Variants in DIAPH3 observed in about 807,000 individuals in gnomAD.
DIAPH3 encodes diaphanous related formin 3.
A neutral mutation model predicts 144.3 loss-of-function variants in DIAPH3; 117 were observed. The observed-to-expected ratio is 0.81, with a 90% CI of 0.70 to 0.95. The LOEUF is 0.95. DIAPH3 is among the 40% of genes least tolerant of loss of function. The pLI, the probability that DIAPH3 is intolerant of heterozygous loss-of-function variation, is 0.00. For synonymous variants in DIAPH3, 519 were observed against 488.9 expected (o/e 1.06, Z -0.81); for missense variants, 1,421 against 1,412.7 (o/e 1.01, Z -0.09).
chr13:59,983,139 T>TAAAA (rs4054895), intron 13 of DIAPH3, among the ~76,000 whole-genome samples: 1,135 of 104,584 alleles, frequency 0.011, 41 homozygotes, highest in African/African-American at 0.028. Flanking sequence ...GCTTTATCTT[T>TAAAA]AAAAAAAAAA....
chr13:60,138,297 G>A (rs916592148), intron 1 of DIAPH3, among the ~76,000 whole-genome samples: 2 of 152,150 alleles, frequency 1.3e-5, no homozygotes, highest in African/African-American at 2.4e-5. Flanking sequence ...TAATGATGTG[G>A]CAGCATGCCC....
At chr13:60,026,271 T>C (rs2054365622) in intron 5 of DIAPH3, among the ~76,000 whole-genome samples, 1 of 151,992 alleles carries the variant, frequency 6.6e-6, no homozygotes, top group Non-Finnish European at 1.5e-5. Flanking sequence ...TAACACATAA[T>C]TGGGGAAAGG....
intron 5 of DIAPH3, among the ~76,000 whole-genome samples, chr13:60,041,168 A>T (rs2055640872): frequency 6.6e-6 from 1 of 151,954 alleles, no homozygotes; most frequent in African/African-American, 2.4e-5. Context: ...ACAGGCAAAG[A>T]TTAAGCTGGA....
At chr13:59,839,512 C>G in intron 22 of DIAPH3, 64 bp from the exon 23 acceptor site, 1 of 1,469,888 alleles carries the variant, frequency 6.8e-7, no homozygotes, top group Non-Finnish European at 9.2e-7. Flanking sequence ...GGTAAGACAC[C>G]CTAGAAACAA....
intron 1 of DIAPH3, among the ~76,000 whole-genome samples, chr13:60,143,684 T>C (rs537537137): frequency 9.8e-5 from 15 of 152,348 alleles, no homozygotes; most frequent in Admixed American, 9.1e-4. Flanking sequence ...TCCTGTGGGC[T>C]TGATTTTTGT....
intron 1 of DIAPH3, among the ~76,000 whole-genome samples, chr13:60,162,807 T>TCA (rs573161924): frequency 0.039 from 5,036 of 127,530 alleles, 95 homozygotes; most frequent in African/African-American, 0.057. Context: ...TCTCTCTCTC[T>TCA]CTCACACACA....
intron 20 of DIAPH3, 86 bp downstream of exon 20, chr13:59,911,648 CT>C (rs1490199528): frequency 1.1e-5 from 11 of 1,000,114 alleles, no homozygotes; most frequent in Non-Finnish European, 1.7e-5. Context: ...TACTCACATG[CT>C]TTTTTACATT....
At chr13:60,109,508 A>G (rs1487889486) in intron 3 of DIAPH3, among the ~76,000 whole-genome samples, 1 of 151,872 alleles carries the variant, frequency 6.6e-6, no homozygotes, top group East Asian at 1.9e-4. Flanking sequence ...AAAGAGGCCA[A>G]CCACATCCCC....
intron 27 of DIAPH3, among the ~76,000 whole-genome samples, chr13:59,737,434 T>C (rs1212117175): frequency 6.6e-6 from 1 of 152,196 alleles, no homozygotes; most frequent in East Asian, 1.9e-4. Context: ...TATTCTATGT[T>C]AAGCTAAGCA....
intron 19 of DIAPH3, among the ~76,000 whole-genome samples, chr13:59,915,896 A>G (rs1372532628): frequency 6.6e-6 from 1 of 152,148 alleles, no homozygotes; most frequent in East Asian, 1.9e-4. Flanking sequence ...AAAATGTAAA[A>G]TTAAACAATT....
intron 22 of DIAPH3, among the ~76,000 whole-genome samples, chr13:59,841,730 A>C (rs1226763145): frequency 6.6e-6 from 1 of 152,180 alleles, no homozygotes; most frequent in East Asian, 1.9e-4. Flanking sequence ...GTGACAATAA[A>C]AATAATAGTA....
At chr13:60,089,481 T>A (rs898401068) in intron 4 of DIAPH3, among the ~76,000 whole-genome samples, 2 of 152,220 alleles carry the variant, frequency 1.3e-5, no homozygotes, top group African/African-American at 4.8e-5. Flanking sequence ...TCTTTTTTAT[T>A]TTTAAAAATA....
At chr13:59,907,940 T>A (rs2046815671) in intron 20 of DIAPH3, among the ~76,000 whole-genome samples, 2 of 152,144 alleles carry the variant, frequency 1.3e-5, no homozygotes, top group African/African-American at 4.8e-5. Context: ...ATTAGGCACA[T>A]CACATGGTTT....
intron 27 of DIAPH3, among the ~76,000 whole-genome samples, chr13:59,670,842 CA>C (rs1339593550): frequency 1.7e-4 from 26 of 152,134 alleles, no homozygotes; most frequent in Non-Finnish European, 2.5e-4. Flanking sequence ...CTTGGCCTCC[CA>C]AAAGTGCTGG....
At chr13:60,114,378 A>T (rs1209359022) in intron 2 of DIAPH3, among the ~76,000 whole-genome samples, 3 of 152,156 alleles carry the variant, frequency 2.0e-5, no homozygotes, top group African/African-American at 7.2e-5. Flanking sequence ...AGAATCAGTG[A>T]ACCTAAACCC....
At chr13:59,742,704 GAAAGA>G (rs1011795785) in intron 27 of DIAPH3, among the ~76,000 whole-genome samples, 6 of 142,186 alleles carry the variant, frequency 4.2e-5, no homozygotes, top group East Asian at 2.0e-4. Context: ...GAGAAAGGGA[GAAAGA>G]AAAGAAAAGA....
intron 27 of DIAPH3, among the ~76,000 whole-genome samples, chr13:59,692,802 G>A (rs773485295): frequency 1.3e-5 from 2 of 152,092 alleles, no homozygotes; most frequent in East Asian, 3.9e-4. Flanking sequence ...TCCAGGCTGT[G>A]TATTGCTCCC....
intron 24 of DIAPH3, among the ~76,000 whole-genome samples, chr13:59,822,542 G>A (rs1294354557): frequency 6.6e-6 from 1 of 152,054 alleles, no homozygotes; most frequent in African/African-American, 2.4e-5. Flanking sequence ...CTGGGTTCAA[G>A]CGATTCCCCT....
At chr13:59,957,416 T>C (rs1483020051) in intron 17 of DIAPH3, among the ~76,000 whole-genome samples, 1 of 152,198 alleles carries the variant, frequency 6.6e-6, no homozygotes, top group Admixed American at 6.5e-5. Context: ...CTCTCTTGCC[T>C]GCCACCATGT....
Sources: allele counts gnomAD v4.1 joint callset (sites outside exome capture counted in the v4.1 genomes callset), GRCh38; gene constraint gnomAD v4.1.1; transcripts MANE v1.5; gene names NCBI Gene and HGNC (gene_info 2026-07-23, HGNC 2026-07-21).